Variants in TENM1 observed in about 807,000 individuals in gnomAD.
The protein encoded by TENM1 is teneurin-1.
Under a neutral mutation model 174.8 loss-of-function variants are expected in TENM1, and 35 were observed. The ratio of observed to expected loss-of-function variants is 0.20; its 90% CI spans 0.15 to 0.27. TENM1 has a LOEUF of 0.27. TENM1 is among the 10% of genes least tolerant of loss of function. The probability of loss-of-function intolerance (pLI) is 1.00; values close to 1 mark genes in which losing one functional copy is unlikely to be tolerated. For missense variants in TENM1, 1,633 were observed against 2,130.1 expected, an observed-to-expected ratio of 0.77 and a Z score of 4.59; for synonymous variants, 781 against 798.7, an observed-to-expected ratio of 0.98 and a Z score of 0.37.
intron 1 of TENM1, among the ~76,000 whole-genome samples, chrX:124,903,447 G>A (rs890487728): frequency 6.2e-5 from 7 of 112,060 alleles, no homozygotes; most frequent in East Asian, 2.8e-4. Flanking sequence ...GAAAGAAGAC[G>A]AGGTAGAAAC....
At chrX:125,108,194 C>G in the TENM1 span, among the ~76,000 whole-genome samples, 16 of 111,327 alleles carry the variant, frequency 1.4e-4, 1 homozygote, top group Admixed American at 1.5e-3. Context: ...TTAACACTAT[C>G]TTTCTATCTC....
chrX:124,800,394 C>T (rs896857848), intron 3 of TENM1, among the ~76,000 whole-genome samples: 6 of 110,472 alleles, frequency 5.4e-5, no homozygotes, highest in Non-Finnish European at 1.1e-4. Context: ...TTGCATGGAG[C>T]TGTTTATAGT....
At chrX:125,033,729 T>TC in the TENM1 span, among the ~76,000 whole-genome samples, 2 of 110,553 alleles carry the variant, frequency 1.8e-5, no homozygotes, top group Non-Finnish European at 3.8e-5. Context: ...TTTTTTTTTT[T>TC]CCACATCCTC....
intron 5 of TENM1, among the ~76,000 whole-genome samples, chrX:124,704,651 C>A (rs1194963361): frequency 9.0e-6 from 1 of 111,111 alleles, no homozygotes; most frequent in Non-Finnish European, 1.9e-5. Flanking sequence ...CTGAAAATTC[C>A]GTAGCAGTAT....
chrX:124,803,938 T>C (rs1345746688), intron 3 of TENM1, among the ~76,000 whole-genome samples: 2 of 112,521 alleles, frequency 1.8e-5, no homozygotes, highest in African/African-American at 6.5e-5. Flanking sequence ...TTATAGTACA[T>C]GCCTTGTAGG....
intron 3 of TENM1, among the ~76,000 whole-genome samples, chrX:124,876,209 G>A (rs1270946942): frequency 1.8e-5 from 2 of 111,398 alleles, no homozygotes; most frequent in East Asian, 2.8e-4. Context: ...AAAATACTTA[G>A]AGCAATGTTT....
intron 3 of TENM1, among the ~76,000 whole-genome samples, chrX:124,889,736 T>C (rs1320115512): frequency 1.8e-5 from 2 of 111,768 alleles, no homozygotes; most frequent in Admixed American, 1.9e-4. Flanking sequence ...GAGGTATCCA[T>C]CCTCTCAAGC....
intron 27 of TENM1, among the ~76,000 whole-genome samples, chrX:124,394,041 T>A (rs1293583168): frequency 1.8e-5 from 2 of 112,414 alleles, no homozygotes; most frequent in African/African-American, 6.5e-5. Context: ...CTTTTCTCAT[T>A]TTATTTAGGC....
chrX:124,859,435 T>C (rs1302096048), intron 3 of TENM1, among the ~76,000 whole-genome samples: 3 of 106,934 alleles, frequency 2.8e-5, no homozygotes, highest in Non-Finnish European at 5.8e-5. Context: ...TCCCAGCTAC[T>C]CAGGAGGCTG....
At chrX:124,778,904 G>C (rs1801265320) in intron 3 of TENM1, among the ~76,000 whole-genome samples, 1 of 111,663 alleles carries the variant, frequency 9.0e-6, no homozygotes, top group South Asian at 3.7e-4. Context: ...TTTTTAATTA[G>C]CTGCCATTTA....
rs143904353 is a variant in TENM1, at chrX:124,729,532, A to G, written c.776+7425T>C. ...TCACCCAGCCTCTCCATCTTTGGCA[A>G]TGTGCCCATCTTTCCGGGTTGCAAA... On this transcript the variant is annotated intron_variant, in intron 4 of 31. Transcript: ENST00000422452. Among the ~76,000 whole-genome samples, 816 of 112,244 alleles carry G rather than the reference A, an allele frequency of 7.3e-3. 10 individuals carry two copies. The highest frequency in any genetic ancestry group is 0.024 in the African/African-American group (756 of 30,864).
chrX:124,939,613 A>G (rs1028448318), intron 1 of TENM1, among the ~76,000 whole-genome samples: 5 of 111,823 alleles, frequency 4.5e-5, no homozygotes, highest in African/African-American at 1.6e-4. Flanking sequence ...TCAAAGTCCT[A>G]TGTGATCTAG....
intron 1 of TENM1, among the ~76,000 whole-genome samples, chrX:124,941,060 G>A (rs1193253922): frequency 9.0e-6 from 1 of 110,840 alleles, no homozygotes; most frequent in East Asian, 2.9e-4. Flanking sequence ...CCTAAAACCT[G>A]TGTTCTCTTT....
At chrX:124,503,638 A>G (rs934439783) in exon 19 of TENM1, 1 of 1,209,105 alleles carries the variant, frequency 8.3e-7, no homozygotes, top group Non-Finnish European at 1.1e-6. Flanking sequence ...AAACCTTGTA[A>G]AACGACTGTC....
chrX:124,594,667 T>A (rs1158346885), intron 11 of TENM1, among the ~76,000 whole-genome samples: 1 of 112,133 alleles, frequency 8.9e-6, no homozygotes, highest in Non-Finnish European at 1.9e-5. Flanking sequence ...TCTATGTGCA[T>A]CCCATAATAT....
rs200294119 is a variant in TENM1, at chrX:124,394,883, CATTT to C, written c.5392-2539_5392-2536del. The stretch of plus-strand genomic sequence containing the variant: ...GTTGCATGTCTTACTACATGATAAA[CATTT>C]ATTTATCTATTCTCCCAATTAGAAA... On this transcript the variant is annotated intron_variant, in intron 27 of 31. Transcript: ENST00000422452. Among the ~76,000 whole-genome samples the C allele has an allele frequency of 6.7e-3, 701 of 105,005 alleles. 13 individuals carry two copies. Among genetic ancestry groups the C allele is most frequent in the Admixed American group, 0.054 (504 of 9,417 alleles). 91.2% of individuals were successfully genotyped at this position (105,005 alleles called of 115,157 possible).
chrX:124,607,088 A>C (rs2148295831), intron 11 of TENM1, among the ~76,000 whole-genome samples: 1 of 111,324 alleles, frequency 9.0e-6, no homozygotes, highest in Admixed American at 9.5e-5. Context: ...TTGGTACCTC[A>C]GATTTATTTG....
chrX:125,155,376 C>T, the TENM1 span, among the ~76,000 whole-genome samples: 1 of 112,059 alleles, frequency 8.9e-6, no homozygotes, highest in African/African-American at 3.2e-5. Context: ...CTCCAAGTCC[C>T]CACTAGACTC....
At chrX:124,562,995 G>T (rs1218711337) in intron 13 of TENM1, among the ~76,000 whole-genome samples, 2 of 111,863 alleles carry the variant, frequency 1.8e-5, no homozygotes, top group African/African-American at 6.5e-5. Flanking sequence ...AATGACAGAT[G>T]GTTGTTAGAA....
Sources: gnomAD v4.1 joint callset for allele counts (sites outside exome capture counted in the v4.1 genomes callset) on GRCh38, gnomAD v4.1.1 for gene constraint, MANE v1.5 for transcripts, NCBI Gene and HGNC (gene_info 2026-07-23, HGNC 2026-07-21) for gene names.